The following EXOC4 variants were observed in gnomAD, a reference collection of about 807,000 sequenced individuals.
EXOC4 encodes exocyst complex component 4, also known as SEC8-like 1.
In EXOC4, 71 loss-of-function variants were observed where a neutral mutation model predicts 107.2. That is an observed-to-expected ratio of 0.66 (90% CI 0.55 to 0.81). The LOEUF (loss-of-function observed/expected upper bound fraction) is 0.81, where lower values mean the gene tolerates loss of function less well. Among genes scored for constraint, EXOC4 ranks in the 30% least tolerant of loss-of-function variants. The pLI is 0.00. For missense variants in EXOC4, 1,108 were observed against 1,189.6 expected (o/e 0.93, Z 1.01); for synonymous variants, 456 against 441.2 (o/e 1.03, Z -0.42).
chr7:133,273,895 A>C (rs947036738), intron 1 of EXOC4, among the ~76,000 whole-genome samples: 1 of 152,218 alleles, frequency 6.6e-6, no homozygotes, highest in Non-Finnish European at 1.5e-5. Flanking sequence ...AAATGAAATA[A>C]ACTAGGCTGA....
chr7:133,708,172 A>T (rs529328060), intron 10 of EXOC4, among the ~76,000 whole-genome samples: 1 of 152,360 alleles, frequency 6.6e-6, no homozygotes, highest in South Asian at 2.1e-4. Context: ...GGAGAAAAAG[A>T]CACAAAAAGG....
intron 9 of EXOC4, among the ~76,000 whole-genome samples, chr7:133,514,117 T>C (rs1215841141): frequency 6.6e-6 from 1 of 152,174 alleles, no homozygotes; most frequent in African/African-American, 2.4e-5. Context: ...GTGTAATCAA[T>C]TTGATTAATT....
chr7:133,374,818 A>G lies in EXOC4; in HGVS notation c.1008-10A>G. 1 of 1,606,428 alleles carries G rather than the reference A, an allele frequency of 6.2e-7. No homozygotes were observed. The highest frequency in any genetic ancestry group is 8.5e-7 in the Non-Finnish European group (1 of 1,174,408). ...ATGTGTAAATGTTATTTATTTGTTT[A>G]TGCCACTAGGTTGCTTCTAGAACTG... On this transcript the variant is annotated splice_polypyrimidine_tract_variant and intron_variant, in intron 6 of 17. Transcript: ENST00000253861.
chr7:133,449,750 CAT>C (rs200564921), intron 7 of EXOC4, among the ~76,000 whole-genome samples: 1 of 29,934 alleles, frequency 3.3e-5, no homozygotes, highest in Non-Finnish European at 6.8e-5. Flanking sequence ...TGTGTGTGTA[CAT>C]CTCTTTTTAC....
At chr7:133,792,624 A>G (rs1476356065) in intron 10 of EXOC4, among the ~76,000 whole-genome samples, 2 of 119,654 alleles carry the variant, frequency 1.7e-5, no homozygotes, top group Non-Finnish European at 3.4e-5. Flanking sequence ...CAACTAAGGC[A>G]TTTTCATTTT....
chr7:133,397,346 G>A (rs949540977), intron 7 of EXOC4, among the ~76,000 whole-genome samples: 1 of 151,180 alleles, frequency 6.6e-6, no homozygotes. Flanking sequence ...GTTGGTCAGG[G>A]TGGTCTCGAA....
intron 17 of EXOC4, among the ~76,000 whole-genome samples, chr7:134,063,792 A>G (rs1294592533): frequency 1.3e-5 from 2 of 152,194 alleles, no homozygotes; most frequent in African/African-American, 4.8e-5. Context: ...TGAGTGCTTT[A>G]TACGTATTAA....
chr7:133,823,228 C>A (rs1040959245), intron 11 of EXOC4, among the ~76,000 whole-genome samples: 3 of 152,208 alleles, frequency 2.0e-5, no homozygotes, highest in Admixed American at 2.0e-4. Flanking sequence ...TGGCTAGAAT[C>A]CGCCTGCAAA....
chr7:133,987,649 C>T (rs1794149900), intron 14 of EXOC4, among the ~76,000 whole-genome samples: 1 of 152,160 alleles, frequency 6.6e-6, no homozygotes, highest in African/African-American at 2.4e-5. Flanking sequence ...ATGAGAAAAT[C>T]TCATGGGATC....
chr7:134,088,935 G>T, the EXOC4 span, among the ~76,000 whole-genome samples: 4 of 152,016 alleles, frequency 2.6e-5, no homozygotes, highest in African/African-American at 7.2e-5. Flanking sequence ...TTGTGTTAGT[G>T]TACTATTACC....
chr7:133,479,072 C>G (rs1799090487), intron 8 of EXOC4: 1 of 152,162 alleles, frequency 6.6e-6, no homozygotes, highest in African/African-American at 2.4e-5. Flanking sequence ...AAACCTATCC[C>G]ATTAGCACTG....
At chr7:133,741,963 C>A (rs753827285) in intron 10 of EXOC4, among the ~76,000 whole-genome samples, 2 of 152,134 alleles carry the variant, frequency 1.3e-5, no homozygotes, top group Non-Finnish European at 2.9e-5. Flanking sequence ...TAATAGAAAT[C>A]CATTTGCCCT....
intron 9 of EXOC4, among the ~76,000 whole-genome samples, chr7:133,493,222 T>C (rs1312468530): frequency 6.6e-6 from 1 of 152,134 alleles, no homozygotes; most frequent in East Asian, 1.9e-4. Context: ...GTCAGCAGTT[T>C]GAGACCAACC....
intron 10 of EXOC4, among the ~76,000 whole-genome samples, chr7:133,797,342 CTGA>C (rs1796838368): frequency 6.6e-6 from 1 of 152,020 alleles, no homozygotes; most frequent in Non-Finnish European, 1.5e-5. Context: ...GAGTGTGCTA[CTGA>C]TGATAATTCA....
At chr7:133,888,628 T>C (rs1443571481) in intron 11 of EXOC4, among the ~76,000 whole-genome samples, 4 of 152,240 alleles carry the variant, frequency 2.6e-5, no homozygotes, top group African/African-American at 9.6e-5. Flanking sequence ...GGCTTATTTT[T>C]CCTTTCAGAT....
At chr7:133,755,243 A>ATAAT (rs1491326726) in intron 10 of EXOC4, among the ~76,000 whole-genome samples, 7 of 91,066 alleles carry the variant, frequency 7.7e-5, no homozygotes, top group African/African-American at 1.4e-4. Context: ...TAATATATAT[A>ATAAT]ATATATATAT....
At chr7:134,018,381 TC>T (rs1794956658) in intron 17 of EXOC4, among the ~76,000 whole-genome samples, 1 of 152,150 alleles carries the variant, frequency 6.6e-6, no homozygotes, top group African/African-American at 2.4e-5. Flanking sequence ...ATGCCAGACT[TC>T]CCATCCTGCC....
intron 10 of EXOC4, among the ~76,000 whole-genome samples, chr7:133,755,319 AT>A (rs1795891427): frequency 9.7e-6 from 1 of 103,392 alleles, no homozygotes; most frequent in Non-Finnish European, 2.0e-5. Context: ...TATATTATAT[AT>A]ATATAATATA....
chr7:133,871,534 C>G (rs1485827755), intron 11 of EXOC4, among the ~76,000 whole-genome samples: 1 of 152,154 alleles, frequency 6.6e-6, no homozygotes, highest in Non-Finnish European at 1.5e-5. Context: ...CTTATGAACA[C>G]CCAGCCCAGA....
Sources: gnomAD v4.1 joint callset for allele counts (sites outside exome capture counted in the v4.1 genomes callset) on GRCh38, gnomAD v4.1.1 for gene constraint, MANE v1.5 for transcripts, NCBI Gene and HGNC (gene_info 2026-07-23, HGNC 2026-07-21) for gene names.